The following SNX30 variants were observed in gnomAD, a reference collection of about 807,000 sequenced individuals.
The protein encoded by SNX30 is sorting nexin family member 30.
SNX30 carries 24 observed loss-of-function variants against 46.4 expected under a neutral mutation model. That is an observed-to-expected ratio of 0.52 (90% confidence interval 0.37 to 0.73). The LOEUF (loss-of-function observed/expected upper bound fraction) is 0.73. Ranked by LOEUF, SNX30 falls within the 30% of genes least tolerant of loss-of-function variation. The pLI, the probability that SNX30 is intolerant of heterozygous loss-of-function variation, is 0.00. For synonymous variants in SNX30, 189 were observed against 211.5 expected (o/e 0.89, Z 0.92); for missense variants, 533 against 555.7 (o/e 0.96, Z 0.41).
upstream of SNX30, among the ~76,000 whole-genome samples, chr9:112,750,662 GC>G (rs1839250419): frequency 6.6e-6 from 1 of 151,670 alleles, no homozygotes; most frequent in South Asian, 2.1e-4. Flanking sequence ...TTCCCCACGT[GC>G]CCCTTCCCCG....
chr9:112,771,113 CATACTT>C lies in SNX30; in HGVS notation c.156+19957_156+19962del, dbSNP rs567806348. On this transcript the variant is annotated intron_variant, in intron 1 of 8. Coordinates refer to ENST00000374232, the MANE Select transcript of SNX30 (RefSeq NM_001012994.2). ...GCTTCGCAGAACTTAAACCACCAGA[CATACTT>C]GGTTTACTTTCTCCAGTACTGTGCT... Among the ~76,000 whole-genome samples the C allele has an allele frequency of 5.3e-3, 185 of 34,838 alleles. 1 individual carries two copies. Among genetic ancestry groups the C allele is most frequent in the African/African-American group, 0.012 (177 of 14,396 alleles). The allele number at this position is 34,838 out of a possible 152,430, so 22.9% of individuals were successfully genotyped here. A position where few individuals can be genotyped will look rare whatever the true frequency, so the allele number is the denominator to read the frequency against.
At chr9:112,763,887 G>A (rs1478902581) in intron 1 of SNX30, among the ~76,000 whole-genome samples, 1 of 151,778 alleles carries the variant, frequency 6.6e-6, no homozygotes, top group Non-Finnish European at 1.5e-5. Context: ...AATTTACGGG[G>A]TACCTATGTA....
At chr9:112,867,150 T>A (rs1841367538) in intron 8 of SNX30, among the ~76,000 whole-genome samples, 1 of 119,982 alleles carries the variant, frequency 8.3e-6, no homozygotes, top group Admixed American at 8.7e-5. Context: ...GAACTCCTCC[T>A]ACCTCAGGAT....
At chr9:112,855,475 G>A (rs181079916) in intron 7 of SNX30, among the ~76,000 whole-genome samples, 23 of 152,256 alleles carry the variant, frequency 1.5e-4, no homozygotes, top group Admixed American at 1.5e-3. Context: ...TTTTTGTGGA[G>A]TCATGGAGTG....
intron 1 of SNX30, among the ~76,000 whole-genome samples, chr9:112,771,653 A>G (rs773462687): frequency 1.3e-5 from 2 of 152,196 alleles, no homozygotes; most frequent in Non-Finnish European, 2.9e-5. Context: ...AATTTGGTTA[A>G]TAATGGTTGA....
chr9:112,855,110 C>T (rs1329969561), intron 7 of SNX30, among the ~76,000 whole-genome samples: 1 of 152,208 alleles, frequency 6.6e-6, no homozygotes, highest in Non-Finnish European at 1.5e-5. Context: ...CCCCGACAGC[C>T]CATCAGGAGG....
downstream of SNX30, among the ~76,000 whole-genome samples, chr9:112,883,696 TTTTC>T (rs1375112131): frequency 2.1e-5 from 2 of 96,114 alleles, no homozygotes; most frequent in Admixed American, 1.5e-4. Context: ...TTCTTTTTTC[TTTTC>T]TTTTTTTTTT....
chr9:112,816,072 A>G (rs1840391750), intron 2 of SNX30, among the ~76,000 whole-genome samples: 1 of 152,030 alleles, frequency 6.6e-6, no homozygotes, highest in Non-Finnish European at 1.5e-5. Context: ...CTCAAACTCT[A>G]GGGCTCAAGC....
chr9:112,820,975 T>C (rs1050489095), intron 3 of SNX30, among the ~76,000 whole-genome samples: 1 of 152,240 alleles, frequency 6.6e-6, no homozygotes, highest in Non-Finnish European at 1.5e-5. Context: ...TTATGAGTAA[T>C]GCTGCTGTGA....
At chr9:112,883,395 C>A (rs1588149082), downstream of SNX30, among the ~76,000 whole-genome samples, 1 of 152,096 alleles carries the variant, frequency 6.6e-6, no homozygotes, top group East Asian at 1.9e-4. Flanking sequence ...TCCTTCAAAT[C>A]CTGTCTCTGC....
chr9:112,864,186 G>T (rs1302020244), intron 7 of SNX30, 61 bp from the exon 8 acceptor site: 15 of 1,572,006 alleles, frequency 9.5e-6, no homozygotes, highest in Non-Finnish European at 1.1e-5. Flanking sequence ...GCTCAGAGGA[G>T]CTCAAGGCAA....
chr9:112,847,903 C>A (rs1381286544), intron 6 of SNX30, among the ~76,000 whole-genome samples: 1 of 152,124 alleles, frequency 6.6e-6, no homozygotes, highest in African/African-American at 2.4e-5. Flanking sequence ...CTCCTAATGC[C>A]TAGAGTTACC....
intron 7 of SNX30, among the ~76,000 whole-genome samples, chr9:112,861,523 G>T (rs541839137): frequency 8.5e-5 from 13 of 152,288 alleles, no homozygotes; most frequent in African/African-American, 2.4e-4. Flanking sequence ...TGGAAGTTTG[G>T]TTCTAGAGCT....
At chr9:112,822,538 T>TTTC (rs1335868324) in intron 3 of SNX30, among the ~76,000 whole-genome samples, 1 of 124,684 alleles carries the variant, frequency 8.0e-6, no homozygotes, top group Non-Finnish European at 1.8e-5. Flanking sequence ...GCTGTTTTGT[T>TTTC]TTGTTTTTTT....
upstream of SNX30, chr9:112,750,535 C>G (rs757533978): frequency 5.3e-5 from 8 of 152,288 alleles, no homozygotes; most frequent in Admixed American, 4.6e-4. Flanking sequence ...TTGCTCCGCA[C>G]GGCGGCCTCC....
chr9:112,804,392 T>C (rs1184325939), intron 1 of SNX30, among the ~76,000 whole-genome samples: 2 of 152,192 alleles, frequency 1.3e-5, no homozygotes, highest in Admixed American at 6.5e-5. Context: ...CTCAAACTCG[T>C]GACCTCAGGT....
upstream of SNX30, among the ~76,000 whole-genome samples, chr9:112,749,859 C>A (rs1345085450): frequency 1.3e-5 from 2 of 152,142 alleles, no homozygotes; most frequent in Non-Finnish European, 2.9e-5. Context: ...GCCTCCCTAC[C>A]CATTACTTTG....
At chr9:112,778,365 C>T (rs539329422) in intron 1 of SNX30, among the ~76,000 whole-genome samples, 5 of 151,636 alleles carry the variant, frequency 3.3e-5, no homozygotes, top group Non-Finnish European at 5.9e-5. Flanking sequence ...CTACGCCTCC[C>T]GGGTTCAAGT....
chr9:112,866,186 T>G (rs1841339769), intron 8 of SNX30, among the ~76,000 whole-genome samples: 1 of 152,032 alleles, frequency 6.6e-6, no homozygotes, highest in African/African-American at 2.4e-5. Context: ...GGGTATGTGT[T>G]CATCAAAGGA....
Sources: allele counts gnomAD v4.1 joint callset (sites outside exome capture counted in the v4.1 genomes callset), GRCh38; gene constraint gnomAD v4.1.1; transcripts MANE v1.5; gene names NCBI Gene and HGNC (gene_info 2026-07-23, HGNC 2026-07-21).